Variants in TENT4B observed in about 807,000 individuals in gnomAD.
TENT4B encodes PAP associated domain containing 5.
TENT4B carries 10 observed loss-of-function variants against 75.0 expected under a neutral mutation model. The ratio of observed to expected loss-of-function variants is 0.13; its 90% confidence interval spans 0.08 to 0.23. The LOEUF (loss-of-function observed/expected upper bound fraction) is 0.23. TENT4B is among the 10% of genes least tolerant of loss of function. The pLI is 1.00. For synonymous variants in TENT4B, 350 were observed against 357.7 expected, an observed-to-expected ratio of 0.98 and a Z score of 0.24; for missense variants, 579 against 893.8, an observed-to-expected ratio of 0.65 and a Z score of 4.49.
intron 1 of TENT4B, among the ~76,000 whole-genome samples, chr16:50,188,689 C>T (rs2038582273): frequency 6.6e-6 from 1 of 152,142 alleles, no homozygotes; most frequent in Non-Finnish European, 1.5e-5. Flanking sequence ...TTAATTTTTT[C>T]ATCCAGTTTT....
At chr16:50,164,738 TAAAAA>T (rs954298615) in intron 1 of TENT4B, among the ~76,000 whole-genome samples, 3 of 150,864 alleles carry the variant, frequency 2.0e-5, no homozygotes, top group African/African-American at 7.3e-5. Context: ...TTTTTTGACT[TAAAAA>T]AAAAGGTTTT....
At chr16:50,214,378 G>C in intron 3 of TENT4B, 111 bp downstream of exon 3, 1 of 801,538 alleles carries the variant, frequency 1.2e-6, no homozygotes, top group Non-Finnish European at 2.0e-6. Flanking sequence ...AAATGGGGCT[G>C]GGCATGGTGG....
At chr16:50,155,785 A>AG (rs1190123099) in intron 1 of TENT4B, among the ~76,000 whole-genome samples, 1 of 152,202 alleles carries the variant, frequency 6.6e-6, no homozygotes, top group East Asian at 1.9e-4. Context: ...CCTGTGGTTT[A>AG]GTGACAAGCA....
chr16:50,163,964 C>G (rs2038050364), intron 1 of TENT4B, among the ~76,000 whole-genome samples: 1 of 151,562 alleles, frequency 6.6e-6, no homozygotes, highest in Admixed American at 6.6e-5. Flanking sequence ...TCGAGACCAG[C>G]CTGACCAACA....
At chr16:50,219,265 G>GT (rs998922481) in intron 5 of TENT4B, among the ~76,000 whole-genome samples, 6 of 152,090 alleles carry the variant, frequency 3.9e-5, no homozygotes, top group African/African-American at 1.4e-4. Context: ...GCCAATTATT[G>GT]TTTTTTGCGT....
chr16:50,171,172 A>G (rs181488186), intron 1 of TENT4B, among the ~76,000 whole-genome samples: 296 of 152,226 alleles, frequency 1.9e-3, no homozygotes, highest in Middle Eastern at 6.8e-3. Context: ...AGGCTGAGGC[A>G]GGAGGGTTGC....
chr16:50,211,233 T>C (rs1247115103), intron 1 of TENT4B, 90 bp from the exon 2 acceptor site: 1 of 1,323,714 alleles, frequency 7.6e-7, no homozygotes, highest in Non-Finnish European at 1.0e-6. Flanking sequence ...TCAGCTGAAT[T>C]ATAAGACTTA....
rs994669288 is a variant in TENT4B, at chr16:50,231,910, A to C, written c.*2582A>C. On this transcript the variant is annotated 3_prime_UTR_variant, in exon 12 of 12. Transcript: ENST00000561678. ...TCTTTTTTGAGTTTTAATACTTCCT[A>C]TATTTTGTGAATATATCAGAAATGT... The C allele has an allele frequency of 1.0e-6, 1 of 976,938 alleles. No homozygotes were observed. The highest frequency in any genetic ancestry group is 1.8e-5 in the African/African-American group (1 of 57,016). 60.5% of individuals were successfully genotyped at this position (976,938 alleles called of 1,614,324 possible). A position where few individuals can be genotyped will look rare whatever the true frequency, so the allele number is the denominator to read the frequency against.
intron 1 of TENT4B, among the ~76,000 whole-genome samples, chr16:50,183,459 T>C (rs1044232210): frequency 2.0e-5 from 3 of 152,158 alleles, no homozygotes; most frequent in Admixed American, 6.5e-5. Flanking sequence ...TGTCATACTT[T>C]GAAGGTTCAT....
intron 1 of TENT4B, among the ~76,000 whole-genome samples, chr16:50,159,552 T>C (rs772276674): frequency 7.2e-5 from 11 of 152,300 alleles, no homozygotes; most frequent in Non-Finnish European, 1.5e-4. Flanking sequence ...TCTCTGCTTA[T>C]TTCTACACAG....
At chr16:50,158,099 A>G (rs970313834) in intron 1 of TENT4B, among the ~76,000 whole-genome samples, 10 of 146,870 alleles carry the variant, frequency 6.8e-5, no homozygotes, top group South Asian at 6.5e-4. Flanking sequence ...GAATGAATGA[A>G]TTAATGAGAG....
intron 1 of TENT4B, among the ~76,000 whole-genome samples, chr16:50,190,874 C>A (rs1261924213): frequency 6.6e-6 from 1 of 152,004 alleles, no homozygotes; most frequent in Non-Finnish European, 1.5e-5. Context: ...TTCTCCCCTT[C>A]CTCCAGCCCT....
At chr16:50,195,898 AGG>A (rs1315641886) in intron 1 of TENT4B, among the ~76,000 whole-genome samples, 2 of 152,242 alleles carry the variant, frequency 1.3e-5, no homozygotes, top group Non-Finnish European at 2.9e-5. Context: ...AGGCCTTTAC[AGG>A]GCTAATGAGT....
rs1176914480 is a variant in TENT4B, at chr16:50,154,326, G to T, written c.638+67G>T. The T allele has an allele frequency of 2.9e-6, 4 of 1,381,140 alleles. No individual in the cohort carries two copies. The African/African-American group carries it at 6.1e-5, about 21-fold the overall frequency. 85.6% of individuals were successfully genotyped at this position (1,381,140 alleles called of 1,614,324 possible). A position where few individuals can be genotyped will look rare whatever the true frequency, so the allele number is the denominator to read the frequency against. ...ATGCGCAGCCGGGCACACGCCCACA[G>T]AGGGGGGTTGTGAGGGTCTAGGAGC... is the stretch of plus-strand genomic sequence containing the variant. On this transcript the variant is annotated intron_variant, in intron 1 of 11. Coordinates refer to ENST00000561678, the MANE Select transcript of TENT4B (RefSeq NM_001365324.3).
In TENT4B at chr16:50,229,398, C is replaced by T; in HGVS notation, c.*70C>T. On this transcript the variant is annotated 3_prime_UTR_variant, in exon 12 of 12. Coordinates refer to ENST00000561678, the MANE Select transcript of TENT4B (RefSeq NM_001365324.3). Reference sequence around the variant, plus strand: ...GCTCAGGACAGTTGCGCAGGGACTCCTGGGAGATATTCAGGAGCCTCACAC... The same window carrying T: ...GCTCAGGACAGTTGCGCAGGGACTCTTGGGAGATATTCAGGAGCCTCACAC... The T allele has an allele frequency of 6.6e-7, 1 of 1,515,096 alleles. No homozygotes were observed. The highest frequency in any genetic ancestry group is 8.8e-7 in the Non-Finnish European group (1 of 1,138,428). 93.9% of individuals were successfully genotyped at this position (1,515,096 alleles called of 1,614,324 possible).
intron 1 of TENT4B, among the ~76,000 whole-genome samples, chr16:50,201,478 A>G (rs2030644090): frequency 1.3e-5 from 2 of 151,974 alleles, no homozygotes; most frequent in South Asian, 2.1e-4. Context: ...CAGAGGTTGC[A>G]GTGAGCCGAG....
intron 1 of TENT4B, among the ~76,000 whole-genome samples, chr16:50,196,520 TCA>T (rs1368474820): frequency 6.6e-6 from 1 of 150,870 alleles, no homozygotes; most frequent in Non-Finnish European, 1.5e-5. Context: ...ATCATCATCA[TCA>T]TCATCTCCTT....
intron 1 of TENT4B, among the ~76,000 whole-genome samples, chr16:50,191,349 T>G (rs2038634757): frequency 6.6e-6 from 1 of 152,214 alleles, no homozygotes; most frequent in African/African-American, 2.4e-5. Context: ...GGCTCTGATT[T>G]CTTCACATCC....
chr16:50,222,269 T>G (rs1344761370), intron 5 of TENT4B, 37 bp from the exon 6 acceptor site: 1 of 1,543,810 alleles, frequency 6.5e-7, no homozygotes, highest in East Asian at 2.4e-5. Flanking sequence ...CTGTTGCTGA[T>G]ACAGGAATTC....
Sources: gnomAD v4.1 joint callset for allele counts (sites outside exome capture counted in the v4.1 genomes callset) on GRCh38, gnomAD v4.1.1 for gene constraint, MANE v1.5 for transcripts, NCBI Gene and HGNC (gene_info 2026-07-23, HGNC 2026-07-21) for gene names.